The following PRKN variants were observed in gnomAD, a reference collection of about 807,000 sequenced individuals.
The protein encoded by PRKN is E3 ubiquitin-protein ligase parkin.
In PRKN, 56 loss-of-function variants were observed where a neutral mutation model predicts 59.5. That is an observed-to-expected ratio of 0.94 (90% CI 0.76 to 1.18). The LOEUF (loss-of-function observed/expected upper bound fraction) is 1.18, where lower values mean the gene tolerates loss of function less well. Among genes scored for constraint, PRKN ranks in the 50% most tolerant of loss-of-function variants. The probability of loss-of-function intolerance (pLI) is 0.00; values close to 1 mark genes in which losing one functional copy is unlikely to be tolerated. For missense variants in PRKN, 657 were observed against 596.4 expected (o/e 1.10, Z -1.06); for synonymous variants, 250 against 222.1 (o/e 1.13, Z -1.12).
In PRKN at chr6:162,727,694, G is replaced by A. The variant is rs1283432382; in HGVS notation, c.-26C>T. On this transcript the variant is annotated 5_prime_UTR_variant, in exon 1 of 12. Transcript: ENST00000366898. ...GGTCACTGGGTAGGTGGCGGCTGCG[G>A]GCCAGGAACAGGCCCATGCGCGCAG... is the stretch of plus-strand genomic sequence containing the variant. 3 of 1,568,658 alleles carry A rather than the reference G, an allele frequency of 1.9e-6. No individual in the cohort carries two copies. The highest frequency in any genetic ancestry group is 2.6e-6 in the Non-Finnish European group (3 of 1,158,018).
intron 2 of PRKN, among the ~76,000 whole-genome samples, chr6:162,294,745 A>G (rs1286160686): frequency 3.3e-5 from 5 of 152,202 alleles, no homozygotes; most frequent in South Asian, 2.1e-4. Context: ...AGTAAAAAAA[A>G]AGAGAAATAC....
At chr6:161,632,573 G>A (rs1390478636) in intron 7 of PRKN, among the ~76,000 whole-genome samples, 2 of 152,164 alleles carry the variant, frequency 1.3e-5, no homozygotes, top group Non-Finnish European at 2.9e-5. Context: ...TCTGAAAAAT[G>A]TATCTGTTTC....
chr6:162,246,242 G>A (rs923842668), intron 3 of PRKN, among the ~76,000 whole-genome samples: 1 of 151,944 alleles, frequency 6.6e-6, no homozygotes, highest in Non-Finnish European at 1.5e-5. Flanking sequence ...CATGCAATCT[G>A]ACTACTGTCC....
intron 1 of PRKN, among the ~76,000 whole-genome samples, chr6:162,714,345 C>T (rs946962709): frequency 1.3e-5 from 2 of 152,110 alleles, no homozygotes; most frequent in East Asian, 3.8e-4. Context: ...TTTGTCTAAC[C>T]AGGGGCTGAG....
chr6:161,407,269 C>T lies in PRKN; in HGVS notation c.1084-20392G>A, dbSNP rs117302101. Among the ~76,000 whole-genome samples, 184 of 151,812 alleles carry T rather than the reference C, an allele frequency of 1.2e-3. No homozygotes were observed. Among genetic ancestry groups the T allele is most frequent in the Admixed American group, 3.8e-3 (58 of 15,246 alleles). On this transcript the variant is annotated intron_variant, in intron 9 of 11. Transcript: ENST00000366898. The surrounding 1 kb of genome is among the most constrained non-coding windows in gnomAD (Gnocchi z 4.9). ...CATGAGTGAGTCATAAATATAGAAA[C>T]GCACTGACTTGATAAATAAGAAACA...
intron 2 of PRKN, among the ~76,000 whole-genome samples, chr6:162,389,765 C>A (rs1455531648): frequency 6.6e-6 from 1 of 152,224 alleles, no homozygotes; most frequent in East Asian, 1.9e-4. Context: ...AGCTGGAATT[C>A]AAACACAGGC....
At chr6:162,364,202 A>T (rs151100646) in intron 2 of PRKN, among the ~76,000 whole-genome samples, 1 of 152,322 alleles carries the variant, frequency 6.6e-6, no homozygotes, top group South Asian at 2.1e-4. Flanking sequence ...AAGAATATAA[A>T]TAACTGGTAT....
At chr6:161,511,823 G>GA (rs113379330) in intron 9 of PRKN, among the ~76,000 whole-genome samples, 15,316 of 143,958 alleles carry the variant, frequency 0.11, 983 homozygotes, top group African/African-American at 0.19. Context: ...TTGATCTTAG[G>GA]AAAAAAAAAA....
intron 1 of PRKN, among the ~76,000 whole-genome samples, chr6:162,449,886 A>G (rs1790507248): frequency 6.6e-6 from 1 of 152,174 alleles, no homozygotes; most frequent in Non-Finnish European, 1.5e-5. Context: ...AAAAATGAAG[A>G]TTTCTAGTTA....
intron 4 of PRKN, among the ~76,000 whole-genome samples, chr6:162,101,529 G>A (rs1291092496): frequency 7.2e-5 from 11 of 151,726 alleles, no homozygotes; most frequent in South Asian, 2.1e-4. Context: ...AAAATTAGCC[G>A]GGCGTGGTGG....
intron 6 of PRKN, among the ~76,000 whole-genome samples, chr6:161,955,617 G>T (rs776470061): frequency 6.6e-6 from 1 of 152,192 alleles, no homozygotes; most frequent in South Asian, 2.1e-4. Context: ...TTGGGAGACC[G>T]AGGTGGGCGG....
At chr6:162,111,329 G>A (rs997416361) in intron 4 of PRKN, among the ~76,000 whole-genome samples, 3 of 152,050 alleles carry the variant, frequency 2.0e-5, no homozygotes, top group Non-Finnish European at 2.9e-5. Context: ...CCCGAGTGTT[G>A]TGGCATGCAT....
chr6:161,867,253 A>G (rs1471564935), intron 6 of PRKN, among the ~76,000 whole-genome samples: 1 of 152,256 alleles, frequency 6.6e-6, no homozygotes, highest in Admixed American at 6.5e-5. Context: ...AGGGCCAGAT[A>G]GTAAATAATT....
Position 161,894,907 on chromosome 6 carries a change from T to C in PRKN, c.734+78395A>G, listed in dbSNP as rs555579301. Among the ~76,000 whole-genome samples the C allele has an allele frequency of 2.1e-4, 32 of 152,364 alleles. No homozygotes were observed. The East Asian group carries it at 5.6e-3, about 27-fold the overall frequency. ...GGTCCTGTTCTAAAGTCTAATTATG[T>C]GCTTATTCCACCAATGCTTAAGATG... On this transcript the variant is annotated intron_variant, in intron 6 of 11. Transcript: ENST00000366898.
chr6:161,897,601 T>G (rs1038707245), intron 6 of PRKN, among the ~76,000 whole-genome samples: 1 of 152,322 alleles, frequency 6.6e-6, no homozygotes, highest in South Asian at 2.1e-4. Flanking sequence ...TGTTTAAAAA[T>G]AATTTTGCTT....
intron 2 of PRKN, among the ~76,000 whole-genome samples, chr6:162,274,716 A>C (rs988265160): frequency 1.3e-5 from 2 of 152,166 alleles, no homozygotes; most frequent in East Asian, 1.9e-4. Context: ...AATTTCTCAT[A>C]ATCTAAATTT....
chr6:161,894,990 T>G (rs1423549263), intron 6 of PRKN, among the ~76,000 whole-genome samples: 1 of 152,228 alleles, frequency 6.6e-6, no homozygotes, highest in Non-Finnish European at 1.5e-5. Flanking sequence ...TCTGAAGATC[T>G]GACCTCACTC....
intron 1 of PRKN, among the ~76,000 whole-genome samples, chr6:162,627,926 G>A (rs1782958663): frequency 6.6e-6 from 1 of 152,092 alleles, no homozygotes; most frequent in Non-Finnish European, 1.5e-5. Context: ...AGGAAAACAA[G>A]AGACCTAAGC....
At chr6:162,274,311 C>G (rs576454009) in intron 2 of PRKN, among the ~76,000 whole-genome samples, 1 of 151,966 alleles carries the variant, frequency 6.6e-6, no homozygotes, top group Non-Finnish European at 1.5e-5. Flanking sequence ...CTCAGCCTCC[C>G]CAGTAGCTGG....
Sources: allele counts gnomAD v4.1 joint callset (sites outside exome capture counted in the v4.1 genomes callset), GRCh38; gene constraint gnomAD v4.1.1; non-coding constraint Gnocchi (gnomAD v3.1); transcripts MANE v1.5; gene names NCBI Gene and HGNC (gene_info 2026-07-23, HGNC 2026-07-21).